PHF24: variants seen among roughly 807,000 people sequenced by gnomAD.
PHF24 encodes PHD finger protein 24, also known as Galpha inhibitory interacting protein.
PHF24 carries 25 observed loss-of-function variants against 42.6 expected under a neutral mutation model. The observed-to-expected ratio is 0.59, with a 90% confidence interval of 0.43 to 0.82. The LOEUF is 0.82. Among genes scored for constraint, PHF24 ranks in the 40% least tolerant of loss-of-function variants. The pLI is 0.00. For synonymous variants in PHF24, 185 were observed against 204.8 expected, an observed-to-expected ratio of 0.90 and a Z score of 0.83; for missense variants, 470 against 538.1, an observed-to-expected ratio of 0.87 and a Z score of 1.25.
the PHF24 span, among the ~76,000 whole-genome samples, chr9:34,822,865 G>C: frequency 6.6e-6 from 1 of 152,158 alleles, no homozygotes; most frequent in African/African-American, 2.4e-5. Flanking sequence ...CTCCTCATTC[G>C]TACTTCATCT....
chr9:34,838,640 C>G, the PHF24 span: 11 of 542,606 alleles, frequency 2.0e-5, no homozygotes, highest in East Asian at 2.9e-4. Flanking sequence ...CAAAGCCCTC[C>G]TGTTTCATAA....
chr9:34,917,704 G>A, the PHF24 span: 20 of 788,918 alleles, frequency 2.5e-5, no homozygotes, highest in Non-Finnish European at 4.5e-5. Context: ...GGGACATCGT[G>A]GAGGCTCATT....
chr9:34,731,289 A>G, the PHF24 span, among the ~76,000 whole-genome samples: 1 of 152,166 alleles, frequency 6.6e-6, no homozygotes, highest in African/African-American at 2.4e-5. Context: ...AAACATTCCA[A>G]TTATACTTCT....
the PHF24 span, among the ~76,000 whole-genome samples, chr9:34,675,886 C>G: frequency 6.6e-6 from 1 of 152,044 alleles, no homozygotes; most frequent in African/African-American, 2.4e-5. Context: ...AAGGAGATAG[C>G]TTTGCAAAAA....
chr9:34,858,787 T>A, the PHF24 span, among the ~76,000 whole-genome samples: 1 of 152,240 alleles, frequency 6.6e-6, no homozygotes, highest in African/African-American at 2.4e-5. Flanking sequence ...CTAATTCCTG[T>A]GCTTTTTAAA....
At chr9:34,826,691 C>A in the PHF24 span, among the ~76,000 whole-genome samples, 1,783 of 151,286 alleles carry the variant, frequency 0.012, 29 homozygotes, top group African/African-American at 0.041. Context: ...TTCCGAAGTG[C>A]CCTTCTGGAA....
chr9:34,819,916 T>C, the PHF24 span, among the ~76,000 whole-genome samples: 6 of 152,280 alleles, frequency 3.9e-5, no homozygotes, highest in South Asian at 1.0e-3. Flanking sequence ...ATTTTAATTG[T>C]GGATTCATCC....
At chr9:34,917,678 G>T in the PHF24 span, 1 of 783,690 alleles carries the variant, frequency 1.3e-6, no homozygotes, top group Non-Finnish European at 2.4e-6. Context: ...TGTGGGAGCA[G>T]ACAGAACCTA....
the PHF24 span, among the ~76,000 whole-genome samples, chr9:34,785,342 C>T: frequency 1.3e-5 from 2 of 152,242 alleles, no homozygotes; most frequent in Non-Finnish European, 2.9e-5. Flanking sequence ...GACTTAATCA[C>T]TTCCCAAAGG....
chr9:34,812,594 G>C, the PHF24 span, among the ~76,000 whole-genome samples: 1 of 152,288 alleles, frequency 6.6e-6, no homozygotes, highest in African/African-American at 2.4e-5. Context: ...TTCAGGTTCT[G>C]TCTCTGAGGA....
the PHF24 span, among the ~76,000 whole-genome samples, chr9:34,871,509 T>G: frequency 6.6e-6 from 1 of 152,224 alleles, no homozygotes; most frequent in African/African-American, 2.4e-5. Flanking sequence ...TAAAAAGTCA[T>G]CATCATACCC....
At chr9:34,723,269 C>T in the PHF24 span, 84 of 1,551,716 alleles carry the variant, frequency 5.4e-5, 1 homozygote, top group Middle Eastern at 3.3e-4. Context: ...ACAAGCCTCT[C>T]GAGGACAGTG....
the PHF24 span, among the ~76,000 whole-genome samples, chr9:34,792,661 C>T: frequency 4.9e-5 from 7 of 141,702 alleles, no homozygotes; most frequent in African/African-American, 1.5e-4. Flanking sequence ...GCAACAAAAG[C>T]GAAACTCCAT....
chr9:34,778,327 A>G, the PHF24 span, among the ~76,000 whole-genome samples: 3 of 152,220 alleles, frequency 2.0e-5, no homozygotes, highest in Non-Finnish European at 4.4e-5. Context: ...AAAGGCAGAA[A>G]TTGTCAGATT....
chr9:34,737,068 G>A, the PHF24 span, among the ~76,000 whole-genome samples: 1 of 151,976 alleles, frequency 6.6e-6, no homozygotes, highest in African/African-American at 2.4e-5. Context: ...ATTCACCATT[G>A]AACTATTTTA....
chr9:34,877,766 T>C, the PHF24 span, among the ~76,000 whole-genome samples: 1 of 152,154 alleles, frequency 6.6e-6, no homozygotes, highest in Admixed American at 6.6e-5. Context: ...GGGGTACATG[T>C]GCAGAATGTG....
At chr9:34,687,787 C>T in the PHF24 span, among the ~76,000 whole-genome samples, 21 of 152,318 alleles carry the variant, frequency 1.4e-4, no homozygotes, top group African/African-American at 5.1e-4. Flanking sequence ...TGTTTGTCCT[C>T]TGAGACACCA....
At chr9:34,717,359 G>A in the PHF24 span, among the ~76,000 whole-genome samples, 4 of 151,918 alleles carry the variant, frequency 2.6e-5, no homozygotes, top group Non-Finnish European at 5.9e-5. Context: ...CCAGGACCTG[G>A]TTCTTCATGG....
chr9:34,946,943 T>C, the PHF24 span, among the ~76,000 whole-genome samples: 1 of 152,264 alleles, frequency 6.6e-6, no homozygotes, highest in Non-Finnish European at 1.5e-5. Context: ...GGTGGTTCAG[T>C]TGAGAGGGTA....
Sources: gnomAD v4.1 joint callset for allele counts (sites outside exome capture counted in the v4.1 genomes callset) on GRCh38, gnomAD v4.1.1 for gene constraint, MANE v1.5 for transcripts, NCBI Gene and HGNC (gene_info 2026-07-23, HGNC 2026-07-21) for gene names.